The following NUBPL variants were observed in gnomAD, a reference collection of about 807,000 sequenced individuals.
NUBPL encodes the protein iron-sulfur cluster transfer protein NUBPL.
Under a neutral mutation model 45.7 loss-of-function variants are expected in NUBPL, and 31 were observed. The observed-to-expected ratio is 0.68, with a 90% CI of 0.51 to 0.92. The LOEUF is 0.92. Among genes scored for constraint, NUBPL ranks in the 40% least tolerant of loss-of-function variants. The pLI, the probability that NUBPL is intolerant of heterozygous loss-of-function variation, is 0.00. For synonymous variants in NUBPL, 144 were observed against 140.9 expected (o/e 1.02, Z -0.15); for missense variants, 401 against 398.7 (o/e 1.01, Z -0.05).
chr14:31,762,557 A>G (rs927618138), intron 6 of NUBPL, among the ~76,000 whole-genome samples: 4 of 152,224 alleles, frequency 2.6e-5, no homozygotes, highest in African/African-American at 9.6e-5. Context: ...GTGAATGACT[A>G]TGTTAGATGA....
At chr14:31,786,014 C>T (rs988019023) in intron 6 of NUBPL, among the ~76,000 whole-genome samples, 1 of 151,906 alleles carries the variant, frequency 6.6e-6, no homozygotes, top group Non-Finnish European at 1.5e-5. Flanking sequence ...AAAAATTGAC[C>T]AGGCATGGTG....
At chr14:31,816,546 C>A (rs1008486940) in intron 7 of NUBPL, among the ~76,000 whole-genome samples, 1 of 151,912 alleles carries the variant, frequency 6.6e-6, no homozygotes, top group Non-Finnish European at 1.5e-5. Context: ...CTGCTCTGAT[C>A]TTAGTTATTT....
intron 6 of NUBPL, among the ~76,000 whole-genome samples, chr14:31,744,087 T>A (rs1401396531): frequency 6.6e-6 from 1 of 152,090 alleles, no homozygotes; most frequent in African/African-American, 2.4e-5. Flanking sequence ...GAAAAAGAGA[T>A]ATAAGGACAG....
intron 4 of NUBPL, among the ~76,000 whole-genome samples, chr14:31,669,674 C>G (rs576165663): frequency 3.4e-4 from 52 of 151,462 alleles, no homozygotes; most frequent in African/African-American, 1.3e-3. Flanking sequence ...TCCCTAAGTT[C>G]TTATCATTTA....
intron 8 of NUBPL, among the ~76,000 whole-genome samples, chr14:31,835,534 G>C (rs199906934): frequency 6.6e-6 from 1 of 152,138 alleles, no homozygotes; most frequent in Non-Finnish European, 1.5e-5. Context: ...ACACGGTATG[G>C]TAAAGGGTAG....
At chr14:31,705,071 G>T (rs1227716378) in intron 6 of NUBPL, among the ~76,000 whole-genome samples, 1 of 152,050 alleles carries the variant, frequency 6.6e-6, no homozygotes, top group Admixed American at 6.6e-5. Flanking sequence ...TCCTTCCAGT[G>T]GGTTCGTGGT....
intron 6 of NUBPL, among the ~76,000 whole-genome samples, chr14:31,680,545 G>T (rs1378946735): frequency 6.6e-6 from 1 of 151,800 alleles, no homozygotes; most frequent in South Asian, 2.1e-4. Flanking sequence ...ATTTTCTGAT[G>T]TTAATGTTTT....
chr14:31,628,484 A>G (rs2035263302), intron 4 of NUBPL, among the ~76,000 whole-genome samples: 4 of 152,230 alleles, frequency 2.6e-5, no homozygotes, highest in Admixed American at 2.6e-4. Context: ...AACTCATAGT[A>G]GGCAGTTAAA....
intron 10 of NUBPL, among the ~76,000 whole-genome samples, chr14:31,857,056 C>T (rs949858892): frequency 4.6e-5 from 7 of 152,210 alleles, no homozygotes; most frequent in African/African-American, 7.2e-5. Flanking sequence ...GTAAGGACCT[C>T]GCCCCTACAG....
intron 6 of NUBPL, among the ~76,000 whole-genome samples, chr14:31,763,300 A>C (rs535171347): frequency 6.6e-6 from 1 of 152,340 alleles, no homozygotes; most frequent in East Asian, 1.9e-4. Context: ...CACTATGCTT[A>C]GCCTGAAGGT....
intron 4 of NUBPL, among the ~76,000 whole-genome samples, chr14:31,665,926 C>CAT (rs1183267438): frequency 6.6e-6 from 1 of 151,920 alleles, no homozygotes; most frequent in East Asian, 1.9e-4. Flanking sequence ...GTATTGGGTG[C>CAT]ATATATATTT....
intron 6 of NUBPL, among the ~76,000 whole-genome samples, chr14:31,732,743 C>CTACTCCCA (rs2038079869): frequency 6.6e-6 from 1 of 151,866 alleles, no homozygotes; most frequent in Non-Finnish European, 1.5e-5. Flanking sequence ...TCCCAAGTAG[C>CTACTCCCA]TGGGACTACA....
intron 7 of NUBPL, among the ~76,000 whole-genome samples, chr14:31,798,738 G>A (rs1253911901): frequency 7.2e-6 from 1 of 138,158 alleles, no homozygotes; most frequent in Non-Finnish European, 1.5e-5. Context: ...CTTGCAGTGA[G>A]CGGAGATCAT....
rs562926959 is a variant in NUBPL, at chr14:31,750,171, T to C, written c.514-37609T>C. ...TTTCAGTAAATTTTCTTACAATCAT[T>C]ATTATTATTTTTTTTTTTTTTGAGA... On this transcript the variant is annotated intron_variant, in intron 6 of 10. Transcript: ENST00000281081. Among the ~76,000 whole-genome samples the C allele has an allele frequency of 1.3e-4, 7 of 52,020 alleles. No individual in the cohort carries two copies. The East Asian group carries it at 0.011, about 80-fold the overall frequency. The allele number at this position is 52,020 out of a possible 152,430, so 34.1% of individuals were successfully genotyped here.
chr14:31,690,671 C>G (rs1203283368), intron 6 of NUBPL, among the ~76,000 whole-genome samples: 1 of 152,096 alleles, frequency 6.6e-6, no homozygotes, highest in Non-Finnish European at 1.5e-5. Context: ...AAGCTGTGTC[C>G]AAATGTTGTT....
intron 6 of NUBPL, among the ~76,000 whole-genome samples, chr14:31,735,465 A>G (rs1192407876): frequency 6.6e-6 from 1 of 152,188 alleles, no homozygotes; most frequent in Non-Finnish European, 1.5e-5. Context: ...ACTGAAAAGT[A>G]TAGGGGATTG....
intron 6 of NUBPL, among the ~76,000 whole-genome samples, chr14:31,739,252 ATTT>A (rs35735613): frequency 1.8e-5 from 2 of 110,868 alleles, no homozygotes; most frequent in Admixed American, 8.5e-5. Context: ...ATATATATAT[ATTT>A]TTTTTTTTTA....
chr14:31,829,982 C>A (rs534684008), intron 8 of NUBPL, among the ~76,000 whole-genome samples: 1 of 152,108 alleles, frequency 6.6e-6, no homozygotes, highest in Non-Finnish European at 1.5e-5. Context: ...GTGTCATTCT[C>A]ACTCATTTTT....
intron 3 of NUBPL, among the ~76,000 whole-genome samples, chr14:31,585,822 T>C (rs1328589793): frequency 6.6e-6 from 1 of 152,240 alleles, no homozygotes; most frequent in African/African-American, 2.4e-5. Context: ...ACATTGAAGC[T>C]GGGAAGTTTA....
Sources: gnomAD v4.1 joint callset for allele counts (sites outside exome capture counted in the v4.1 genomes callset) on GRCh38, gnomAD v4.1.1 for gene constraint, MANE v1.5 for transcripts, NCBI Gene and HGNC (gene_info 2026-07-23, HGNC 2026-07-21) for gene names.